Variants in VWA3B observed in about 807,000 individuals in gnomAD.
VWA3B encodes the protein von Willebrand factor A domain-containing protein 3B.
In VWA3B, 138 loss-of-function variants were observed where a neutral mutation model predicts 158.3. The observed-to-expected ratio is 0.87, with a 90% CI of 0.76 to 1.00. The LOEUF (loss-of-function observed/expected upper bound fraction) is 1.00, where lower values mean the gene tolerates loss of function less well. Ranked by LOEUF, VWA3B falls within the 50% of genes least tolerant of loss-of-function variation. The pLI, the probability that VWA3B is intolerant of heterozygous loss-of-function variation, is 0.00. For synonymous variants in VWA3B, 596 were observed against 587.3 expected, an observed-to-expected ratio of 1.01 and a Z score of -0.21; for missense variants, 1,555 against 1,565.1, an observed-to-expected ratio of 0.99 and a Z score of 0.11.
chr2:98,133,304 C>T (rs1676016453), intron 6 of VWA3B, among the ~76,000 whole-genome samples: 1 of 152,192 alleles, frequency 6.6e-6, no homozygotes, highest in African/African-American at 2.4e-5. Flanking sequence ...GAATGCTTCT[C>T]ATTCGTGCTT....
At position 98,112,300 on chromosome 2, in the gene VWA3B, GT is replaced by G. The variant is rs1358302828; in HGVS notation, c.197-3351del. On this transcript the variant is annotated intron_variant, in intron 2 of 27. Coordinates refer to ENST00000477737, the MANE Select transcript of VWA3B (RefSeq NM_144992.5). ...GTTTGGGGTGTGTGTGTGTGTGTGT[GT>G]GGGTGTGTGTGTGTGTGTGTGTGTT... Among the ~76,000 whole-genome samples the G allele has an allele frequency of 1.9e-3, 279 of 149,782 alleles. 1 individual carries two copies. Among genetic ancestry groups the G allele is most frequent in the African/African-American group, 5.5e-3 (225 of 40,574 alleles).
At chr2:98,311,743 G>A in intron 26 of VWA3B, 76 bp from the exon 27 acceptor site, 6 of 1,450,312 alleles carry the variant, frequency 4.1e-6, no homozygotes, top group Non-Finnish European at 5.5e-6. Context: ...AGAAGCAGCC[G>A]TGGGGATGGC....
At chr2:98,177,623 T>G (rs2105329491) in intron 8 of VWA3B, among the ~76,000 whole-genome samples, 1 of 152,224 alleles carries the variant, frequency 6.6e-6, no homozygotes, top group Non-Finnish European at 1.5e-5. Flanking sequence ...TTTTGATTGC[T>G]TGGTCATCCT....
intron 7 of VWA3B, among the ~76,000 whole-genome samples, chr2:98,147,043 T>C (rs1003228317): frequency 2.6e-5 from 4 of 152,252 alleles, no homozygotes; most frequent in Non-Finnish European, 4.4e-5. Context: ...GCCCATCTAT[T>C]CTTAATTTCG....
chr2:98,230,328 A>G, intron 16 of VWA3B, 121 bp downstream of exon 16: 1 of 1,015,000 alleles, frequency 9.9e-7, no homozygotes, highest in Non-Finnish European at 1.3e-6. Context: ...TTTTAAATTA[A>G]AATTTTTATT....
At chr2:98,321,096 G>C in the VWA3B span, among the ~76,000 whole-genome samples, 1 of 152,260 alleles carries the variant, frequency 6.6e-6, no homozygotes, top group Non-Finnish European at 1.5e-5. Flanking sequence ...AGCTCAGGCT[G>C]TTGCTTCAGA....
chr2:98,168,551 A>G (rs1163646910), intron 8 of VWA3B, among the ~76,000 whole-genome samples: 2 of 152,204 alleles, frequency 1.3e-5, no homozygotes, highest in Non-Finnish European at 2.9e-5. Flanking sequence ...AAAGATATTT[A>G]AAAAGACGCA....
intron 21 of VWA3B, among the ~76,000 whole-genome samples, chr2:98,258,607 G>T (rs1028409806): frequency 6.6e-6 from 1 of 151,586 alleles, no homozygotes; most frequent in African/African-American, 2.4e-5. Flanking sequence ...ATTATAAATG[G>T]GATTGTTTTC....
intron 6 of VWA3B, among the ~76,000 whole-genome samples, chr2:98,131,007 CG>C (rs1675827309): frequency 6.6e-6 from 1 of 152,140 alleles, no homozygotes. Context: ...ACTTTACCAT[CG>C]GAACATTAGA....
At chr2:98,221,130 T>TAA (rs571507143) in intron 14 of VWA3B, among the ~76,000 whole-genome samples, 4 of 143,734 alleles carry the variant, frequency 2.8e-5, no homozygotes, top group African/African-American at 5.1e-5. Flanking sequence ...GAACTTAAAG[T>TAA]AAAAAAAAAA....
chr2:98,178,913 T>A (rs1680237951), intron 8 of VWA3B, among the ~76,000 whole-genome samples: 1 of 152,142 alleles, frequency 6.6e-6, no homozygotes, highest in Non-Finnish European at 1.5e-5. Context: ...AAAAAACATT[T>A]CCCTGCCAGG....
At position 98,265,649 on chromosome 2, in the gene VWA3B, C is replaced by T. The variant is rs1219417481; in HGVS notation, c.2844-5033C>T. 1.2e-4 allele frequency among the ~76,000 whole-genome samples: 18 copies of T among 147,660 alleles called. No homozygotes were observed. In the East Asian group the frequency reaches 3.6e-3, roughly 29 times the overall value. ...CTTCCACAATGGTTGAACTAGTTTA[C>T]AGTCCCACCAACAGTGTAAAAGTGT... On this transcript the variant is annotated intron_variant, in intron 21 of 27. Transcript: ENST00000477737.
the VWA3B span, among the ~76,000 whole-genome samples, chr2:98,322,901 A>G: frequency 6.6e-6 from 1 of 152,188 alleles, no homozygotes; most frequent in African/African-American, 2.4e-5. Flanking sequence ...TTACAAGAGA[A>G]AAAAGTTTGC....
rs149974643 is a variant in VWA3B, at chr2:98,163,605, A to G, written c.1114+629A>G. On this transcript the variant is annotated intron_variant, in intron 8 of 27. Transcript: ENST00000477737. ...CTTGACAAACTCTTGTATACTAAGG[A>G]AAACCAGACCTCTGTATAAAACTGG... 3.3e-3 allele frequency among the ~76,000 whole-genome samples: 497 copies of G among 152,332 alleles called. 4 individuals are homozygous for G. The highest frequency in any genetic ancestry group is 0.011 in the African/African-American group (462 of 41,564).
chr2:98,092,816 GTATATATATATATATA>G (rs70940110), intron 1 of VWA3B, among the ~76,000 whole-genome samples: 652 of 51,508 alleles, frequency 0.013, 18 homozygotes, highest in Non-Finnish European at 0.022. Context: ...AGATGTTTTT[GTATATATATATATATA>G]TATATATATA....
In VWA3B at chr2:98,234,708, G is replaced by A. The variant is rs1685560779; in HGVS notation, c.2369G>A (p.Ser790Asn). The A allele has an allele frequency of 6.2e-7, 1 of 1,614,198 alleles. No individual in the cohort carries two copies. Among genetic ancestry groups the A allele is most frequent in the African/African-American group, 1.3e-5 (1 of 75,048 alleles). Residue 790 changes from serine (S) to asparagine (N), a missense_variant, in exon 17 of 28, where the codon AGT (serine) becomes AAT (asparagine). Ser to Asn is a conservative substitution (Grantham distance 46). Transcript: ENST00000477737. The stretch of plus-strand genomic sequence containing the variant: ...TCCTCCCTCAGGAGCTCAGCTTGCA[G>A]TGAAAGGAAGGATGGCCTCTCCAAT... Reference protein sequence around the residue: ...QMSSLRSSACSERKDGLSNAS... With the variant: ...QMSSLRSSACNERKDGLSNAS...
At chr2:98,300,001 G>A (rs775767066) in intron 24 of VWA3B, 78 bp from the exon 25 acceptor site, 20 of 1,575,968 alleles carry the variant, frequency 1.3e-5, no homozygotes, top group Non-Finnish European at 1.7e-5. Context: ...TTGCCTTGGA[G>A]TATTTTAAAA....
At chr2:98,250,491 AG>A in intron 20 of VWA3B, 55 bp downstream of exon 20, 1 of 1,348,484 alleles carries the variant, frequency 7.4e-7, no homozygotes, top group East Asian at 2.5e-5. Flanking sequence ...TTTATGGAGA[AG>A]GAGACTTCTC....
rs551653119 is a variant in VWA3B, at chr2:98,191,579, G to C, written c.1467-1319G>C. On this transcript the variant is annotated intron_variant, in intron 10 of 27. Coordinates refer to ENST00000477737, the MANE Select transcript of VWA3B (RefSeq NM_144992.5). ...AGGGCTAATTTGGTCCTGCTACCGA[G>C]GCAATACTCTTTCAAGAACGCTACT... Among the ~76,000 whole-genome samples, 8 of 152,284 alleles carry C rather than the reference G, an allele frequency of 5.3e-5. No homozygotes were observed. In the South Asian group the frequency reaches 1.0e-3, roughly 20 times the overall value.
Sources: allele counts gnomAD v4.1 joint callset (sites outside exome capture counted in the v4.1 genomes callset), GRCh38; gene constraint gnomAD v4.1.1; transcripts MANE v1.5; gene names NCBI Gene and HGNC (gene_info 2026-07-23, HGNC 2026-07-21).